Variants in NOX3 observed in about 807,000 individuals in gnomAD.
NOX3 encodes the protein NADPH oxidase catalytic subunit-like 3.
NOX3 carries 74 observed loss-of-function variants against 76.7 expected under a neutral mutation model. The ratio of observed to expected loss-of-function variants is 0.96; its 90% CI spans 0.80 to 1.17. The LOEUF (loss-of-function observed/expected upper bound fraction) is 1.17, where lower values mean the gene tolerates loss of function less well. Ranked by LOEUF, NOX3 falls within the 50% of genes most tolerant of loss-of-function variation. NOX3 has a pLI of 0.00. For synonymous variants in NOX3, 263 were observed against 261.1 expected, an observed-to-expected ratio of 1.01 and a Z score of -0.07; for missense variants, 695 against 703.3, an observed-to-expected ratio of 0.99 and a Z score of 0.13.
At chr6:155,397,659 A>G (rs868856498) in intron 12 of NOX3, among the ~76,000 whole-genome samples, 1 of 152,246 alleles carries the variant, frequency 6.6e-6, no homozygotes, top group Admixed American at 6.5e-5. Context: ...TGTATGTTTT[A>G]TCAAAAGCAA....
At chr6:155,425,314 C>A (rs1776742890) in intron 9 of NOX3, among the ~76,000 whole-genome samples, 1 of 152,168 alleles carries the variant, frequency 6.6e-6, no homozygotes, top group Non-Finnish European at 1.5e-5. Flanking sequence ...TCTGAATCAG[C>A]TTCATTTGCA....
At chr6:155,411,179 A>G in intron 11 of NOX3, 35 bp downstream of exon 11, 3 of 1,598,416 alleles carry the variant, frequency 1.9e-6, no homozygotes, top group Non-Finnish European at 2.6e-6. Context: ...AGATGAGTTC[A>G]GCAATATTGC....
intron 5 of NOX3, 114 bp from the exon 6 acceptor site, chr6:155,440,251 G>T: frequency 1.3e-6 from 1 of 785,780 alleles, no homozygotes; most frequent in Non-Finnish European, 1.9e-6. Flanking sequence ...GAGATTTCAA[G>T]CAGGGAGCCG....
chr6:155,447,792 C>T (rs181924447), intron 4 of NOX3, among the ~76,000 whole-genome samples: 2 of 152,320 alleles, frequency 1.3e-5, no homozygotes, highest in Admixed American at 1.3e-4. Context: ...TAGATCTGAT[C>T]CTAATTTTAC....
intron 10 of NOX3, among the ~76,000 whole-genome samples, chr6:155,413,372 G>A (rs150701375): frequency 2.6e-5 from 4 of 152,132 alleles, no homozygotes; most frequent in East Asian, 3.9e-4. Context: ...GAGCCATGGC[G>A]TTGTAGGGCT....
intron 12 of NOX3, among the ~76,000 whole-genome samples, chr6:155,398,563 C>T (rs1428394983): frequency 6.6e-6 from 1 of 152,150 alleles, no homozygotes; most frequent in Non-Finnish European, 1.5e-5. Context: ...GCTTAATTTA[C>T]AAATGACAAT....
At chr6:155,424,494 T>A (rs1032713960) in intron 9 of NOX3, among the ~76,000 whole-genome samples, 5 of 152,244 alleles carry the variant, frequency 3.3e-5, no homozygotes, top group Non-Finnish European at 7.3e-5. Flanking sequence ...TCTGAGTTAT[T>A]CATAACCATT....
rs142588324 is a variant in NOX3, at chr6:155,444,357, T to A, written c.341-939A>T. Among the ~76,000 whole-genome samples the A allele has an allele frequency of 4.9e-3, 751 of 152,322 alleles. 2 individuals are homozygous for A. The highest frequency in any genetic ancestry group is 8.1e-3 in the Non-Finnish European group (550 of 68,034). On this transcript the variant is annotated intron_variant, in intron 4 of 13. Coordinates refer to ENST00000159060, the MANE Select transcript of NOX3 (RefSeq NM_015718.3). ...GTGAATAATCCCTTTGTCCAGCATA[T>A]CCAGTAGCCCTCTTGGTTATCAGAT...
chr6:155,439,291 T>C (rs1344603109), intron 6 of NOX3, among the ~76,000 whole-genome samples: 2 of 152,240 alleles, frequency 1.3e-5, no homozygotes, highest in Non-Finnish European at 2.9e-5. Context: ...CATTTATTAA[T>C]ATTTAAAGGA....
intron 12 of NOX3, among the ~76,000 whole-genome samples, chr6:155,399,875 G>A (rs992172652): frequency 6.6e-6 from 1 of 152,114 alleles, no homozygotes; most frequent in Non-Finnish European, 1.5e-5. Flanking sequence ...GTATAAAAAC[G>A]CAAGGTGCTA....
intron 5 of NOX3, 43 bp downstream of exon 5, chr6:155,443,230 C>G: frequency 6.3e-7 from 1 of 1,583,954 alleles, no homozygotes; most frequent in African/African-American, 1.3e-5. Context: ...TGGAAAAGGA[C>G]GGATTTTTCA....
intron 12 of NOX3, among the ~76,000 whole-genome samples, chr6:155,406,128 T>C (rs781296721): frequency 2.6e-5 from 4 of 152,178 alleles, no homozygotes; most frequent in Non-Finnish European, 1.5e-5. Context: ...TGTTCTTTAA[T>C]GAAGACAATA....
At chr6:155,455,469 A>G (rs1777202481) in intron 1 of NOX3, among the ~76,000 whole-genome samples, 1 of 152,240 alleles carries the variant, frequency 6.6e-6, no homozygotes, top group Non-Finnish European at 1.5e-5. Context: ...CCAATTTCAT[A>G]GTCTAATTCA....
intron 10 of NOX3, among the ~76,000 whole-genome samples, chr6:155,418,486 T>A (rs1776648414): frequency 6.6e-6 from 1 of 152,194 alleles, no homozygotes; most frequent in Non-Finnish European, 1.5e-5. Flanking sequence ...TATTACAACT[T>A]TTTTCCATTT....
chr6:155,409,266 C>G (rs748279805), intron 11 of NOX3, among the ~76,000 whole-genome samples: 8 of 151,996 alleles, frequency 5.3e-5, no homozygotes, highest in Non-Finnish European at 1.2e-4. Flanking sequence ...GGGGAGAGAA[C>G]GAGCAAAGCC....
At chr6:155,436,153 A>G (rs112621448) in intron 7 of NOX3, among the ~76,000 whole-genome samples, 3 of 152,330 alleles carry the variant, frequency 2.0e-5, no homozygotes, top group South Asian at 2.1e-4. Flanking sequence ...CTCCAGGGAC[A>G]TCATTGTGCT....
At chr6:155,444,052 T>TA (rs1481376863) in intron 4 of NOX3, among the ~76,000 whole-genome samples, 4 of 152,214 alleles carry the variant, frequency 2.6e-5, no homozygotes, top group African/African-American at 4.8e-5. Flanking sequence ...TACATGCTGA[T>TA]ATGTATGTAT....
At chr6:155,415,774 A>G (rs1554263262) in intron 10 of NOX3, among the ~76,000 whole-genome samples, 2 of 152,222 alleles carry the variant, frequency 1.3e-5, no homozygotes, top group Non-Finnish European at 2.9e-5. Flanking sequence ...ATGAAAGGAT[A>G]TGTTTTACTG....
chr6:155,445,834 C>A (rs1010404266), intron 4 of NOX3, among the ~76,000 whole-genome samples: 4 of 147,644 alleles, frequency 2.7e-5, no homozygotes, highest in African/African-American at 1.0e-4. Flanking sequence ...ATAAATACAA[C>A]CTTGTTGGAG....
Sources: gnomAD v4.1 joint callset for allele counts (sites outside exome capture counted in the v4.1 genomes callset) on GRCh38, gnomAD v4.1.1 for gene constraint, MANE v1.5 for transcripts, NCBI Gene and HGNC (gene_info 2026-07-23, HGNC 2026-07-21) for gene names.